Variants in OXNAD1 observed in about 807,000 individuals in gnomAD.
The protein encoded by OXNAD1 is oxidoreductase NAD binding domain containing 1.
In OXNAD1, 34 loss-of-function variants were observed where a neutral mutation model predicts 32.9. The observed-to-expected ratio is 1.03, with a 90% CI of 0.79 to 1.38. OXNAD1 has a LOEUF of 1.38. Among genes scored for constraint, OXNAD1 ranks in the 40% most tolerant of loss-of-function variants. The probability of loss-of-function intolerance (pLI) is 0.00; values close to 1 mark genes in which losing one functional copy is unlikely to be tolerated. For missense variants in OXNAD1, 407 were observed against 379.4 expected (o/e 1.07, Z -0.60); for synonymous variants, 134 against 135.2 (o/e 0.99, Z 0.06).
intron 5 of OXNAD1, among the ~76,000 whole-genome samples, chr3:16,291,690 T>C (rs2066438652): frequency 6.6e-6 from 1 of 152,252 alleles, no homozygotes; most frequent in Non-Finnish European, 1.5e-5. Flanking sequence ...TGAATAATGC[T>C]GCCATGAACA....
chr3:16,328,570 C>T (rs537568064), intron 9 of OXNAD1, among the ~76,000 whole-genome samples: 2 of 152,328 alleles, frequency 1.3e-5, no homozygotes, highest in East Asian at 3.9e-4. Flanking sequence ...CCTCCCTTTC[C>T]TCCGCTGTAT....
Position 16,271,632 on chromosome 3 carries a change from A to AT in OXNAD1, c.120-26dup. On this transcript the variant is annotated intron_variant, in intron 3 of 8. Transcript: ENST00000285083. The surrounding 1 kb of genome is among the most constrained non-coding windows in gnomAD (Gnocchi z 4.6). ...ATTATTTTTATGAGGATAATATGTA[A>AT]TAACCTAATTTTACTTTCTATTAAA... The AT allele has an allele frequency of 2.6e-6, 4 of 1,530,548 alleles. No homozygotes were observed. The highest frequency in any genetic ancestry group is 3.6e-6 in the Non-Finnish European group (4 of 1,124,208). 94.8% of individuals were successfully genotyped at this position (1,530,548 alleles called of 1,614,324 possible).
chr3:16,332,346 T>TA (rs35029497), intron 9 of OXNAD1, among the ~76,000 whole-genome samples: 2 of 151,568 alleles, frequency 1.3e-5, no homozygotes, highest in South Asian at 4.1e-4. Flanking sequence ...TCTTCCAACT[T>TA]TTATGTTTTT....
chr3:16,279,830 G>A (rs1031563009), intron 4 of OXNAD1, among the ~76,000 whole-genome samples: 2 of 152,194 alleles, frequency 1.3e-5, no homozygotes, highest in Non-Finnish European at 2.9e-5. Flanking sequence ...TGATCAGATT[G>A]TGTTGAGGAG....
intron 9 of OXNAD1, among the ~76,000 whole-genome samples, chr3:16,323,979 C>G (rs2459641): frequency 0.3 from 46,338 of 152,064 alleles, 7,803 homozygotes; most frequent in Non-Finnish European, 0.37. Context: ...GCCTGTTAAC[C>G]AGCTCTGGCT....
rs9681880 is a variant in OXNAD1 at position 16,297,301 on chromosome 3, G to A, written c.432+2304G>A. Among the ~76,000 whole-genome samples the A allele has an allele frequency of 0.031, 4,711 of 152,254 alleles. 102 individuals are homozygous for A. The highest frequency in any genetic ancestry group is 0.082 in the Middle Eastern group (24 of 294). On this transcript the variant is annotated intron_variant, in intron 6 of 8. Coordinates refer to ENST00000285083, the MANE Select transcript of OXNAD1 (RefSeq NM_138381.5). This position sits in a 1 kb window ranked among gnomAD's most constrained non-coding sequence, Gnocchi z 4.3. ...ACCATATGTGGTGGGATGCCACTACGATCTAGTCTAATGTCTAAAATTAAA... is the reference window on the plus strand; with the variant it reads ...ACCATATGTGGTGGGATGCCACTACAATCTAGTCTAATGTCTAAAATTAAA...
intron 4 of OXNAD1, among the ~76,000 whole-genome samples, chr3:16,274,103 A>G (rs2065152072): frequency 6.6e-6 from 1 of 151,392 alleles, no homozygotes; most frequent in African/African-American, 2.4e-5. Flanking sequence ...CTCTCTGAGT[A>G]CGCTCACACT....
At chr3:16,328,976 A>G (rs2070012626) in intron 9 of OXNAD1, among the ~76,000 whole-genome samples, 1 of 152,252 alleles carries the variant, frequency 6.6e-6, no homozygotes, top group Non-Finnish European at 1.5e-5. Context: ...GAAAGTGCTA[A>G]GGTTTGAATG....
At chr3:16,270,798 G>A (rs781255633) in intron 2 of OXNAD1, 147 bp from the exon 3 acceptor site, 63 of 1,169,250 alleles carry the variant, frequency 5.4e-5, no homozygotes, top group Non-Finnish European at 7.1e-5. Context: ...TCAAGGTGAA[G>A]TTAGGCTCTT....
chr3:16,302,410 CG>C lies in OXNAD1; in HGVS notation c.676-228del, dbSNP rs2067248929. On this transcript the variant is annotated intron_variant, in intron 7 of 8. Coordinates refer to ENST00000285083, the MANE Select transcript of OXNAD1 (RefSeq NM_138381.5). The surrounding 1 kb of genome is among the most constrained non-coding windows in gnomAD (Gnocchi z 4.2). The stretch of plus-strand genomic sequence containing the variant: ...AGAAAAAGGAAAAAGAAAAAACTCC[CG>C]GAGAGTTGGTAATATGCTTGTTAGC... Among the ~76,000 whole-genome samples the C allele has an allele frequency of 6.6e-6, 1 of 152,100 alleles. No homozygotes were observed. Among genetic ancestry groups the C allele is most frequent in the Non-Finnish European group, 1.5e-5 (1 of 68,022 alleles).
intron 9 of OXNAD1, among the ~76,000 whole-genome samples, chr3:16,328,869 T>C (rs141437844): frequency 1.3e-3 from 201 of 152,328 alleles, no homozygotes; most frequent in African/African-American, 4.5e-3. Flanking sequence ...GCCTCAAATC[T>C]AACTTTTTCC....
intron 1 of OXNAD1, among the ~76,000 whole-genome samples, chr3:16,266,602 C>CAAAAAAAAAAAAA (rs77883979): frequency 1.4e-5 from 1 of 73,084 alleles, no homozygotes; most frequent in Non-Finnish European, 2.5e-5. Flanking sequence ...GACGCTGTCT[C>CAAAAAAAAAAAAA]AAAAAAAAAA....
chr3:16,347,206 G>A (rs563037269), intron 9 of OXNAD1, among the ~76,000 whole-genome samples: 2 of 152,258 alleles, frequency 1.3e-5, no homozygotes, highest in African/African-American at 4.8e-5. Context: ...TCACCCACAC[G>A]GTCTTCCCCA....
At chr3:16,313,255 C>G (rs961056566) in intron 9 of OXNAD1, among the ~76,000 whole-genome samples, 2 of 136,588 alleles carry the variant, frequency 1.5e-5, no homozygotes, top group African/African-American at 6.0e-5. Context: ...GTTGCCCAGG[C>G]TGGTCTCGAA....
chr3:16,337,994 C>T (rs1412707109), downstream of OXNAD1, among the ~76,000 whole-genome samples: 1 of 152,216 alleles, frequency 6.6e-6, no homozygotes, highest in Non-Finnish European at 1.5e-5. This position sits in a 1 kb window ranked among gnomAD's most constrained non-coding sequence, Gnocchi z 5.0. Flanking sequence ...TAAAAACCCA[C>T]ACTGGGTAGA....
chr3:16,296,463 G>A (rs1006119515), intron 6 of OXNAD1, among the ~76,000 whole-genome samples: 1 of 152,050 alleles, frequency 6.6e-6, no homozygotes, highest in African/African-American at 2.4e-5. Context: ...TTATAGATAT[G>A]GACAAAGTGA....
rs993928336 is a variant in OXNAD1, at chr3:16,277,424, C to A, written c.183+5702C>A. 1.3e-5 allele frequency among the ~76,000 whole-genome samples: 2 copies of A among 152,142 alleles called. No individual in the cohort carries two copies. Among genetic ancestry groups the A allele is most frequent in the Non-Finnish European group, 2.9e-5 (2 of 68,012 alleles). ...CCTGGACTCGTTGAAATGAATGGCA[C>A]CTCAGGTTTGGCCATAACAGAACTG... On this transcript the variant is annotated intron_variant, in intron 4 of 8. Transcript: ENST00000285083. The surrounding 1 kb of genome is among the most constrained non-coding windows in gnomAD (Gnocchi z 4.3).
Position 16,320,311 on chromosome 3 carries a change from C to T in OXNAD1, c.*30+16719C>T, listed in dbSNP as rs2068898423. Among the ~76,000 whole-genome samples the T allele has an allele frequency of 6.6e-6, 1 of 152,224 alleles. No individual in the cohort carries two copies. On this transcript the variant is annotated intron_variant, in intron 9 of 9. Coordinates refer to the OXNAD1 transcript ENST00000435829. The surrounding 1 kb of genome is among the most constrained non-coding windows in gnomAD (Gnocchi z 4.5). ...GCTGAAAAGTCCTGATTAGAAAAATCTATCCATGTTGCTGATTAAAAGAAG... is the reference window on the plus strand; with the variant it reads ...GCTGAAAAGTCCTGATTAGAAAAATTTATCCATGTTGCTGATTAAAAGAAG...
chr3:16,323,141 C>T (rs1480364405), intron 9 of OXNAD1, among the ~76,000 whole-genome samples: 2 of 152,184 alleles, frequency 1.3e-5, no homozygotes, highest in African/African-American at 2.4e-5. Flanking sequence ...GAGCCTCTCT[C>T]CTCCATCCTT....
Sources: gnomAD v4.1 joint callset for allele counts (sites outside exome capture counted in the v4.1 genomes callset) on GRCh38, gnomAD v4.1.1 for gene constraint, Gnocchi (gnomAD v3.1) non-coding constraint, MANE v1.5 for transcripts, NCBI Gene and HGNC (gene_info 2026-07-23, HGNC 2026-07-21) for gene names.